The following TRAF2 variants were observed in gnomAD, a reference collection of about 807,000 sequenced individuals.
TRAF2 encodes the protein TNF receptor associated factor 2.
A neutral mutation model predicts 55.6 loss-of-function variants in TRAF2; 6 were observed. The observed-to-expected ratio is 0.11, with a 90% CI of 0.06 to 0.21. TRAF2 has a LOEUF of 0.21. Ranked by LOEUF, TRAF2 falls within the 10% of genes least tolerant of loss-of-function variation. The pLI, the probability that TRAF2 is intolerant of heterozygous loss-of-function variation, is 1.00. For missense variants in TRAF2, 561 were observed against 684.5 expected (o/e 0.82, Z 2.01); for synonymous variants, 329 against 276.3 (o/e 1.19, Z -1.89).
chr9:136,918,465 T>C (rs1017695042), intron 7 of TRAF2, among the ~76,000 whole-genome samples: 4 of 151,644 alleles, frequency 2.6e-5, no homozygotes, highest in Non-Finnish European at 2.9e-5. Context: ...AATTTTTGTA[T>C]TTTTAGTAGA....
intron 1 of TRAF2, among the ~76,000 whole-genome samples, chr9:136,897,533 C>T (rs1305565340): frequency 6.6e-6 from 1 of 151,696 alleles, no homozygotes; most frequent in African/African-American, 2.4e-5. Context: ...GAGGGAAACC[C>T]GTGGTAGCTA....
intron 10 of TRAF2, among the ~76,000 whole-genome samples, chr9:136,925,229 T>C (rs1031661328): frequency 4.6e-5 from 7 of 152,156 alleles, no homozygotes; most frequent in African/African-American, 1.7e-4. Flanking sequence ...CCCTTGTCTG[T>C]CCTGGGGCAT....
intron 1 of TRAF2, among the ~76,000 whole-genome samples, chr9:136,896,918 A>C (rs759968874): frequency 3.3e-5 from 5 of 152,170 alleles, no homozygotes; most frequent in Non-Finnish European, 7.4e-5. Context: ...AGAGGGAGAC[A>C]GACCTCGAGG....
In TRAF2 at chr9:136,897,232, T is replaced by G. The variant is rs1537795; in HGVS notation, c.-28-1481T>G. 9.8e-5 allele frequency among the ~76,000 whole-genome samples: 15 copies of G among 152,300 alleles called. No homozygotes were observed. The South Asian group carries it at 1.7e-3, about 17-fold the overall frequency. ...GGGTGAGGTGCAGGTATTGGCTGGA[T>G]GATGCTCAGAGAAGCAGGAAGAGTG... is the stretch of plus-strand genomic sequence containing the variant. On this transcript the variant is annotated intron_variant, in intron 1 of 10. Coordinates refer to ENST00000247668, the MANE Select transcript of TRAF2 (RefSeq NM_021138.4).
chr9:136,904,719 CTT>C (rs1284941633), intron 4 of TRAF2, among the ~76,000 whole-genome samples: 2 of 151,974 alleles, frequency 1.3e-5, no homozygotes, highest in Admixed American at 6.6e-5. Flanking sequence ...AAAGAACAGT[CTT>C]TTAATTAAAT....
At chr9:136,916,082 G>A (rs1366971210) in intron 6 of TRAF2, among the ~76,000 whole-genome samples, 6 of 152,162 alleles carry the variant, frequency 3.9e-5, no homozygotes, top group African/African-American at 1.2e-4. Flanking sequence ...CGATGTTCCT[G>A]TTGTATGTGA....
chr9:136,899,788 G>A (rs1390638527), intron 3 of TRAF2, 116 bp downstream of exon 3: 3 of 934,132 alleles, frequency 3.2e-6, no homozygotes, highest in South Asian at 3.0e-5. Context: ...ACTTTGGGAG[G>A]CCCAGGTAGG....
At chr9:136,918,227 TTATA>T (rs764701854) in intron 7 of TRAF2, among the ~76,000 whole-genome samples, 240 of 68,054 alleles carry the variant, frequency 3.5e-3, no homozygotes, top group Middle Eastern at 0.012. Flanking sequence ...AGTGTTTTGT[TTATA>T]TATATATATA....
intron 6 of TRAF2, among the ~76,000 whole-genome samples, chr9:136,912,856 G>T (rs1268315252): frequency 6.6e-6 from 1 of 152,070 alleles, no homozygotes; most frequent in African/African-American, 2.4e-5. Flanking sequence ...GTCAAGGCCA[G>T]TTGTGGTGGC....
At position 136,899,578 on chromosome 9, in the gene TRAF2, C is replaced by CT. The variant is rs1416587453; in HGVS notation, c.189-10dup. ...GGTTTCACAGTGGGTTGTTTTTTGC[C>CT]TTTTTTCCCCACTAGCTCTGGGCCT... On this transcript the variant is annotated splice_polypyrimidine_tract_variant and intron_variant, in intron 2 of 10. Transcript: ENST00000247668. 1 of 1,593,852 alleles carries CT rather than the reference C, an allele frequency of 6.3e-7. No individual in the cohort carries two copies. The highest frequency in any genetic ancestry group is 1.8e-5 in the Admixed American group (1 of 56,746).
chr9:136,919,042 A>ATATATATATATATATTTATT (rs149167081), intron 7 of TRAF2, among the ~76,000 whole-genome samples: 4 of 138,326 alleles, frequency 2.9e-5, no homozygotes, highest in African/African-American at 1.1e-4. Context: ...GCCTATTTTA[A>ATATATATATATATATTTATT]TATTTATTTA....
intron 6 of TRAF2, among the ~76,000 whole-genome samples, chr9:136,910,717 G>A (rs1230582649): frequency 2.0e-5 from 3 of 152,190 alleles, no homozygotes; most frequent in East Asian, 1.9e-4. Flanking sequence ...GGCCAGGCCT[G>A]CCCGCGGGCT....
intron 9 of TRAF2, among the ~76,000 whole-genome samples, chr9:136,921,735 A>G (rs1249001747): frequency 6.7e-6 from 1 of 149,832 alleles, no homozygotes; most frequent in Non-Finnish European, 1.5e-5. Flanking sequence ...GTCTCTTGAG[A>G]GGGTGCTCGT....
At chr9:136,904,984 C>T (rs965436969) in intron 4 of TRAF2, among the ~76,000 whole-genome samples, 1 of 152,184 alleles carries the variant, frequency 6.6e-6, no homozygotes, top group African/African-American at 2.4e-5. Flanking sequence ...CCTGGGGCGC[C>T]TCTAAGGAGT....
intron 8 of TRAF2, 46 bp from the exon 9 acceptor site, chr9:136,920,991 GC>G: frequency 6.2e-7 from 1 of 1,605,432 alleles, no homozygotes; most frequent in Non-Finnish European, 8.5e-7. Flanking sequence ...AGGGGCTCGT[GC>G]CCGCACCCCT....
rs373118342 is a variant in TRAF2 at position 136,897,017 on chromosome 9, C to T, written c.-28-1696C>T. ...ATGGGTCTAGGCATCCTCATTGTTC[C>T]CTTCCTCTGTCCTCAACATCAGCCC... On this transcript the variant is annotated intron_variant, in intron 1 of 10. Transcript: ENST00000247668. 3.5e-4 allele frequency among the ~76,000 whole-genome samples: 54 copies of T among 152,296 alleles called. No homozygotes were observed. The East Asian group carries it at 6.0e-3, about 17-fold the overall frequency.
At chr9:136,924,154 CG>C (rs1005022703) in intron 10 of TRAF2, among the ~76,000 whole-genome samples, 154 bp downstream of exon 10, 1 of 152,196 alleles carries the variant, frequency 6.6e-6, no homozygotes, top group Admixed American at 6.5e-5. Flanking sequence ...TGCTGTGTCA[CG>C]CGGTGGAGAG....
At chr9:136,906,690 C>G (rs1199171862) in intron 4 of TRAF2, among the ~76,000 whole-genome samples, 1 of 152,186 alleles carries the variant, frequency 6.6e-6, no homozygotes, top group Non-Finnish European at 1.5e-5. Flanking sequence ...ATTTCTGTAC[C>G]TCACCAGCCC....
At chr9:136,902,561 G>A (rs562154491) in intron 4 of TRAF2, among the ~76,000 whole-genome samples, 103 of 152,342 alleles carry the variant, frequency 6.8e-4, no homozygotes, top group Non-Finnish European at 1.2e-3. Context: ...CTGCAGGCAC[G>A]CAGGGTGGAA....
Sources: allele counts gnomAD v4.1 joint callset (sites outside exome capture counted in the v4.1 genomes callset), GRCh38; gene constraint gnomAD v4.1.1; transcripts MANE v1.5; gene names NCBI Gene and HGNC (gene_info 2026-07-23, HGNC 2026-07-21).